Variants in CIDEC observed in about 807,000 individuals in gnomAD.
CIDEC encodes the protein lipid transferase CIDEC.
A neutral mutation model predicts 21.9 loss-of-function variants in CIDEC; 11 were observed. The observed-to-expected ratio is 0.50, with a 90% CI of 0.32 to 0.83. CIDEC has a LOEUF of 0.83. Ranked by LOEUF, CIDEC falls within the 40% of genes least tolerant of loss-of-function variation. CIDEC has a pLI of 0.04. For synonymous variants in CIDEC, 127 were observed against 124.9 expected (o/e 1.02, Z -0.11); for missense variants, 302 against 302.3 (o/e 1.00, Z 0.01).
chr3:9,870,244 C>T lies in CIDEC; in HGVS notation c.286G>A (p.Glu96Lys), dbSNP rs775071994. Residue 96 changes from glutamate to lysine, a missense_variant, in exon 5 of 7, where the codon GAG becomes AAG. Coordinates refer to ENST00000336832, the MANE Select transcript of CIDEC (RefSeq NM_001321142.2). ...TCCCCTGCCAGGGCTTGGAAGTACTCTTCTGTCTCTACAGTTGTGCCATCT... is the reference window on the plus strand; with the variant it reads ...TCCCCTGCCAGGGCTTGGAAGTACTTTTCTGTCTCTACAGTTGTGCCATCT... Reference protein sequence around the residue: ...EEDGTTVETEEYFQALAGDTV... With the variant: ...EEDGTTVETEKYFQALAGDTV... 6.2e-6 allele frequency: 10 copies of T among 1,614,030 alleles called. No homozygotes were observed. The Admixed American group carries it at 1.3e-4, about 22-fold the overall frequency.
intron 3 of CIDEC, 63 bp downstream of exon 3, chr3:9,878,371 G>A: frequency 3.2e-6 from 4 of 1,246,004 alleles, no homozygotes; most frequent in Non-Finnish European, 3.6e-6. Context: ...ATTAAAGTTT[G>A]AGAAGTTCTG....
intron 6 of CIDEC, among the ~76,000 whole-genome samples, chr3:9,867,789 G>T (rs570765860): frequency 1.0e-3 from 159 of 152,196 alleles, no homozygotes; most frequent in African/African-American, 3.7e-3. Flanking sequence ...AATTAGCCGG[G>T]CGTGGTGGCA....
At chr3:9,871,551 C>A (rs1442625138) in intron 4 of CIDEC, among the ~76,000 whole-genome samples, 6 of 152,186 alleles carry the variant, frequency 3.9e-5, no homozygotes, top group Admixed American at 3.9e-4. Context: ...TACATCCCCA[C>A]TAGCAACGTA....
At chr3:9,872,213 A>G (rs192891963) in intron 4 of CIDEC, among the ~76,000 whole-genome samples, 4 of 147,052 alleles carry the variant, frequency 2.7e-5, no homozygotes, top group Admixed American at 2.7e-4. Context: ...TTGCTCTCTC[A>G]CCCAGGCTGG....
chr3:9,869,730 G>A, intron 6 of CIDEC, 152 bp downstream of exon 6: 1 of 733,246 alleles, frequency 1.4e-6, no homozygotes, highest in Non-Finnish European at 2.4e-6. Flanking sequence ...CACTTCGAGA[G>A]CCCATCAGGC....
At chr3:9,869,390 A>C (rs2082314340) in intron 6 of CIDEC, among the ~76,000 whole-genome samples, 1 of 151,946 alleles carries the variant, frequency 6.6e-6, no homozygotes, top group Admixed American at 6.6e-5. Context: ...AGTTGGGATT[A>C]CAGGCATGCA....
chr3:9,872,187 T>G (rs1344272048), intron 4 of CIDEC, among the ~76,000 whole-genome samples: 2 of 151,936 alleles, frequency 1.3e-5, no homozygotes, highest in Non-Finnish European at 2.9e-5. Flanking sequence ...GAGCCTTTTT[T>G]TTTTGAAACA....
Position 9,867,215 on chromosome 3 carries a change from G to A in CIDEC, c.636C>T (p.Leu212=). The A allele has an allele frequency of 6.2e-7, 1 of 1,614,132 alleles. No homozygotes were observed. Among genetic ancestry groups the A allele is most frequent in the Non-Finnish European group, 8.5e-7 (1 of 1,180,016 alleles). Residue 212 remains leucine (L), a synonymous_variant, in exon 7 of 7, where the codon CTC becomes CTT. Transcript: ENST00000336832. ...GCTGCCCTTCCTCCGTAGCATCGAG[G>A]AGCTGCTGCAGGTAACAGGAGGTGC... is the stretch of plus-strand genomic sequence containing the variant. ...LLGTSCYLQQ[L]LDATEEGQPP... is the part of the protein sequence containing the mutation.
At chr3:9,874,917 T>C (rs1016757766) in intron 4 of CIDEC, among the ~76,000 whole-genome samples, 1 of 152,154 alleles carries the variant, frequency 6.6e-6, no homozygotes, top group South Asian at 2.1e-4. Context: ...TATTTTTGTA[T>C]AGACGGGGTC....
intron 2 of CIDEC, 129 bp downstream of exon 2, chr3:9,878,813 G>A: frequency 6.5e-7 from 1 of 1,536,062 alleles, no homozygotes. Flanking sequence ...TGGTCACACT[G>A]AGCAGATAAC....
Position 9,869,948 on chromosome 3 carries a change from G to A in CIDEC, c.488C>T (p.Ala163Val), listed in dbSNP as rs368830294. ...QDFIGCLNVK[A>V]TFYDTYSLSY... ...AAGGGAGTATGTATCATAAAAAGTC[G>A]CCTTCACGTTCAGGCAGCCAATGAA... Residue 163 changes from alanine (A) to valine (V), a missense_variant, in exon 6 of 7, where the codon GCG becomes GTG. Coordinates refer to ENST00000336832, the MANE Select transcript of CIDEC (RefSeq NM_001321142.2). The A allele has an allele frequency of 2.5e-5, 40 of 1,614,032 alleles. No individual in the cohort carries two copies. The highest frequency in any genetic ancestry group is 1.7e-4 in the Middle Eastern group (1 of 6,056).
chr3:9,878,852 G>A lies in CIDEC; in HGVS notation c.-26+90C>T, dbSNP rs1282660622. ...ACTCAGGGCTGAAGAAGCCTTGCCC[G>A]ATTTGTTCCTGTCCATGGGGACAGA... On this transcript the variant is annotated intron_variant, in intron 2 of 6. Coordinates refer to ENST00000336832, the MANE Select transcript of CIDEC (RefSeq NM_001321142.2). The A allele has an allele frequency of 1.4e-5, 21 of 1,530,326 alleles. No homozygotes were observed. In the East Asian group the frequency reaches 4.4e-4, roughly 32 times the overall value. 94.8% of individuals were successfully genotyped at this position (1,530,326 alleles called of 1,614,324 possible). A position where few individuals can be genotyped will look rare whatever the true frequency, so the allele number is the denominator to read the frequency against.
At chr3:9,875,867 T>C (rs775005031) in intron 4 of CIDEC, among the ~76,000 whole-genome samples, 2 of 152,204 alleles carry the variant, frequency 1.3e-5, no homozygotes, top group Non-Finnish European at 2.9e-5. Context: ...AAGGACACTT[T>C]GATGCAGGGG....
chr3:9,868,548 T>C (rs1221894881), intron 6 of CIDEC, among the ~76,000 whole-genome samples: 1 of 152,286 alleles, frequency 6.6e-6, no homozygotes, highest in South Asian at 2.1e-4. Context: ...AAGGCTGAAA[T>C]AGCATAAAGC....
chr3:9,875,242 T>G (rs1265578065), intron 4 of CIDEC, among the ~76,000 whole-genome samples: 1 of 151,310 alleles, frequency 6.6e-6, no homozygotes, highest in Non-Finnish European at 1.5e-5. Flanking sequence ...CTGGGCGCGG[T>G]GGCGGGCGCC....
intron 4 of CIDEC, among the ~76,000 whole-genome samples, chr3:9,874,667 C>T (rs1415001498): frequency 6.6e-6 from 1 of 152,076 alleles, no homozygotes; most frequent in Non-Finnish European, 1.5e-5. Flanking sequence ...ACTGTACCTA[C>T]CACTTTATTC....
At position 9,870,280 on chromosome 3, in the gene CIDEC, C is replaced by T. The variant is rs780124327; in HGVS notation, c.250G>A (p.Val84Met). The change falls in exon 5 of 7, where the codon GTG becomes ATG. Residue 84 changes from valine to methionine, a missense_variant. By Grantham distance (21) the Val-to-Met change is conservative. Transcript: ENST00000336832. ...ACAGTTGTGCCATCTTCCTCCAGCA[C>T]CAGGAAGAAGGGCTTGTCTGCCAGC... ...LMLADKPFFL[V>M]LEEDGTTVET... The T allele has an allele frequency of 6.2e-7, 1 of 1,614,078 alleles. No homozygotes were observed. Among genetic ancestry groups the T allele is most frequent in the South Asian group, 1.1e-5 (1 of 91,082 alleles).
intron 4 of CIDEC, among the ~76,000 whole-genome samples, chr3:9,876,466 T>C (rs1371184801): frequency 6.6e-6 from 1 of 150,768 alleles, no homozygotes; most frequent in Non-Finnish European, 1.5e-5. Flanking sequence ...ACAGCAAGAC[T>C]CCATCTTGGG....
At chr3:9,878,701 G>C in intron 2 of CIDEC, 190 bp from the exon 3 acceptor site, 2 of 1,503,162 alleles carry the variant, frequency 1.3e-6, no homozygotes, top group South Asian at 2.4e-5. Context: ...CCAAGCTGGA[G>C]ACCCCACCCC....
Sources: gnomAD v4.1 joint callset for allele counts (sites outside exome capture counted in the v4.1 genomes callset) on GRCh38, gnomAD v4.1.1 for gene constraint, MANE v1.5 for transcripts, NCBI Gene and HGNC (gene_info 2026-07-23, HGNC 2026-07-21) for gene names.